Variants in ARHGAP1 observed in about 807,000 individuals in gnomAD.
The protein encoded by ARHGAP1 is rho GTPase-activating protein 1.
A neutral mutation model predicts 52.2 loss-of-function variants in ARHGAP1; 23 were observed. The ratio of observed to expected loss-of-function variants is 0.44; its 90% confidence interval spans 0.32 to 0.62. The LOEUF (loss-of-function observed/expected upper bound fraction) is 0.62, where lower values mean the gene tolerates loss of function less well. ARHGAP1 is among the 20% of genes least tolerant of loss of function. The pLI is 0.05. For synonymous variants in ARHGAP1, 210 were observed against 228.4 expected, an observed-to-expected ratio of 0.92 and a Z score of 0.73; for missense variants, 480 against 560.9, an observed-to-expected ratio of 0.86 and a Z score of 1.46.
At chr11:46,694,805 G>T (rs992709436) in intron 3 of ARHGAP1, among the ~76,000 whole-genome samples, 4 of 152,200 alleles carry the variant, frequency 2.6e-5, no homozygotes, top group African/African-American at 9.7e-5. Flanking sequence ...TGACGTTCGG[G>T]GCAATCCTCT....
rs976780707 is a variant in ARHGAP1 at position 46,680,174 on chromosome 11, T to C, written c.898+31A>G. On this transcript the variant is annotated intron_variant, in intron 10 of 12. Transcript: ENST00000311956. This position sits in a 1 kb window ranked among gnomAD's most constrained non-coding sequence, Gnocchi z 5.9. ...AGAAGCCCCCTACCAGTAACACACA[T>C]ATGGCCCTGCAACAGCCCAGGGCTG... 7 of 1,607,412 alleles carry C rather than the reference T, an allele frequency of 4.4e-6. No individual in the cohort carries two copies. The highest frequency in any genetic ancestry group is 3.3e-5 in the Admixed American group (2 of 59,986).
intron 3 of ARHGAP1, among the ~76,000 whole-genome samples, chr11:46,693,133 T>A (rs563214895): frequency 6.8e-4 from 103 of 152,174 alleles, no homozygotes; most frequent in African/African-American, 2.2e-3. Context: ...ATTATAGGGA[T>A]GAGCCACCGC....
At position 46,680,679 on chromosome 11, in the gene ARHGAP1, G is replaced by C. The variant is rs572555794; in HGVS notation, c.704C>G (p.Pro235Arg). 69 of 1,605,768 alleles carry C rather than the reference G, an allele frequency of 4.3e-5. No homozygotes were observed. The highest frequency in any genetic ancestry group is 1.3e-4 in the South Asian group (12 of 90,056). ...ATAPKPMPPRPPLPNQQFGVS... is the reference protein window; with the variant it reads ...ATAPKPMPPRRPLPNQQFGVS... ...TCCAAACTGCTGGTTGGGCAGGGGG[G>C]GCCGTGGGGGCATGGGCTTGGGGGC... Residue 235 changes from proline (P) to arginine (R), a missense_variant, in exon 8 of 13, where the codon CCC (proline) becomes CGC (arginine). Pro to Arg is a moderately radical substitution (Grantham distance 103). Coordinates refer to ENST00000311956, the MANE Select transcript of ARHGAP1 (RefSeq NM_004308.5). The surrounding 1 kb of genome is among the most constrained non-coding windows in gnomAD (Gnocchi z 5.9).
At chr11:46,693,073 C>T (rs1446718575) in intron 3 of ARHGAP1, among the ~76,000 whole-genome samples, 12 of 152,210 alleles carry the variant, frequency 7.9e-5, no homozygotes, top group East Asian at 3.9e-4. Context: ...AGGATGGTCT[C>T]GATCTCCTGA....
At chr11:46,684,451 G>A (rs2064553087) in intron 4 of ARHGAP1, among the ~76,000 whole-genome samples, 1 of 152,096 alleles carries the variant, frequency 6.6e-6, no homozygotes. Flanking sequence ...CATTTTTGTA[G>A]AAGGCTGTTC....
In ARHGAP1 at chr11:46,679,215, T is replaced by C. The variant is rs200846104; in HGVS notation, c.1142A>G (p.His381Arg). ...LTAFLVQISA[H>R]SDQNKMTNTN... ...GTTGGTCATCTTGTTCTGGTCACTG[T>C]GTGCAGAAATCTGTGGAGGGAATCA... is the stretch of plus-strand genomic sequence containing the variant. Residue 381 changes from histidine (H) to arginine (R), a missense_variant, in exon 13 of 13, where the codon CAC (histidine) becomes CGC (arginine). By Grantham distance (29) the His-to-Arg change is conservative. Transcript: ENST00000311956. This position sits in a 1 kb window ranked among gnomAD's most constrained non-coding sequence, Gnocchi z 4.4. 2.6e-4 allele frequency: 412 copies of C among 1,601,252 alleles called. No homozygotes were observed. Among genetic ancestry groups the C allele is most frequent in the Non-Finnish European group, 3.3e-4 (383 of 1,172,706 alleles).
At chr11:46,692,662 T>C (rs575746279) in intron 3 of ARHGAP1, among the ~76,000 whole-genome samples, 57 of 152,100 alleles carry the variant, frequency 3.7e-4, no homozygotes, top group Non-Finnish European at 4.7e-4. Flanking sequence ...AGCACCTCCA[T>C]GATGTTATAT....
Position 46,679,106 on chromosome 11 carries a change from G to A in ARHGAP1, c.1251C>T (p.Asn417=). The A allele has an allele frequency of 1.2e-6, 2 of 1,614,226 alleles. No homozygotes were observed. The highest frequency in any genetic ancestry group is 8.5e-7 in the Non-Finnish European group (1 of 1,180,024). The change falls in exon 13 of 13, where the codon AAC becomes AAT. Residue 417 remains asparagine, a synonymous_variant. Coordinates refer to ENST00000311956, the MANE Select transcript of ARHGAP1 (RefSeq NM_004308.5). This position sits in a 1 kb window ranked among gnomAD's most constrained non-coding sequence, Gnocchi z 4.4. Reference sequence around the variant, plus strand: ...GATCCAGAAGGAACTTGGTGAAGGTGTTGATGGGATTAATGGCCTTGAGGG... The same window carrying A: ...GATCCAGAAGGAACTTGGTGAAGGTATTGATGGGATTAATGGCCTTGAGGG... The part of the protein sequence containing the change: ...AITLKAINPI[N]TFTKFLLDHQ...
In ARHGAP1 at chr11:46,696,447, G is replaced by A. The variant is rs987122514; in HGVS notation, c.-49-291C>T. Among the ~76,000 whole-genome samples, 10 of 152,168 alleles carry A rather than the reference G, an allele frequency of 6.6e-5. No individual in the cohort carries two copies. The highest frequency in any genetic ancestry group is 8.8e-5 in the Non-Finnish European group (6 of 68,032). On this transcript the variant is annotated intron_variant, in intron 1 of 12. Coordinates refer to ENST00000311956, the MANE Select transcript of ARHGAP1 (RefSeq NM_004308.5). This position sits in a 1 kb window ranked among gnomAD's most constrained non-coding sequence, Gnocchi z 4.8. ...AGCTGTGCCAGGTCCTGTGCCGCCC[G>A]CCACCCAGCTGGCTCAGTGATGCAG...
At chr11:46,693,301 T>A (rs2064628610) in intron 3 of ARHGAP1, among the ~76,000 whole-genome samples, 1 of 145,468 alleles carries the variant, frequency 6.9e-6, no homozygotes, top group South Asian at 2.1e-4. Context: ...CTGGCTGCAC[T>A]TTTTTTTTTT....
At chr11:46,685,605 G>A (rs557067781) in intron 4 of ARHGAP1, among the ~76,000 whole-genome samples, 40 of 149,290 alleles carry the variant, frequency 2.7e-4, no homozygotes, top group Admixed American at 1.5e-3. Context: ...GATTACAGGC[G>A]TGAGCCACCG....
intron 4 of ARHGAP1, chr11:46,686,733 CTT>C (rs34162125): frequency 8.2e-5 from 11 of 134,272 alleles, no homozygotes; most frequent in Non-Finnish European, 1.3e-4. Flanking sequence ...CAGGCACTTT[CTT>C]TTTTTTTTTT....
chr11:46,699,502 A>C (rs2064682640), intron 1 of ARHGAP1, among the ~76,000 whole-genome samples: 1 of 151,246 alleles, frequency 6.6e-6, no homozygotes, highest in Admixed American at 6.6e-5. Flanking sequence ...CAGGATTTGG[A>C]GACCAACCTG....
At position 46,700,579 on chromosome 11, in the gene ARHGAP1, G is replaced by C; in HGVS notation, c.-78C>G. The C allele has an allele frequency of 5.2e-6, 1 of 193,942 alleles. No individual in the cohort carries two copies. Among genetic ancestry groups the C allele is most frequent in the Non-Finnish European group, 1.1e-5 (1 of 92,658 alleles). The allele number at this position is 193,942 out of a possible 1,614,324, so 12.0% of individuals were successfully genotyped here. A position where few individuals can be genotyped will look rare whatever the true frequency, so the allele number is the denominator to read the frequency against. On this transcript the variant is annotated 5_prime_UTR_variant, in exon 1 of 13. Transcript: ENST00000311956. ...GCTCGGGCACTGCTCCCTCTGCCAC[G>C]CCTGTCAAGGCTCGGCAAACATCCG...
At chr11:46,682,645 C>G (rs2064537891) in intron 4 of ARHGAP1, among the ~76,000 whole-genome samples, 1 of 152,156 alleles carries the variant, frequency 6.6e-6, no homozygotes, top group South Asian at 2.1e-4. Flanking sequence ...GATTGTGGCA[C>G]TGTACTCCAG....
At position 46,688,239 on chromosome 11, in the gene ARHGAP1, T is replaced by G; in HGVS notation, c.251A>C (p.Lys84Thr). ...TCGACAGGCACTAAACACAATGATC[T>G]TCCGCCCATACTTGTCATCTCCTAG... ...EVAGDDKYGR[K>T]IIVFSACRMP... Residue 84 changes from lysine (K) to threonine (T), a missense_variant, in exon 4 of 13, where the codon AAG (lysine) becomes ACG (threonine). Physicochemically the swap from Lys to Thr is moderately conservative, Grantham distance 78. Coordinates refer to ENST00000311956, the MANE Select transcript of ARHGAP1 (RefSeq NM_004308.5). 1 of 1,613,954 alleles carries G rather than the reference T, an allele frequency of 6.2e-7. No homozygotes were observed.
rs1321732706 is a variant in ARHGAP1, at chr11:46,689,032, T to C, written c.230-772A>G. Among the ~76,000 whole-genome samples the C allele has an allele frequency of 1.0e-4, 15 of 147,704 alleles. No homozygotes were observed. The Admixed American group carries it at 1.0e-3, about 10-fold the overall frequency. ...CTGGGAGGCGGAGGTTGCAGTGAGC[T>C]GAGCTGGTGCCACTGTACTCCAGCC... is the stretch of plus-strand genomic sequence containing the variant. On this transcript the variant is annotated intron_variant, in intron 3 of 12. Transcript: ENST00000311956.
Position 46,695,191 on chromosome 11 carries a change from G to A in ARHGAP1, c.229+469C>T, listed in dbSNP as rs73454018. On this transcript the variant is annotated intron_variant, in intron 3 of 12. Coordinates refer to ENST00000311956, the MANE Select transcript of ARHGAP1 (RefSeq NM_004308.5). ...GGGCAGCATATCTGCCAGGAATCTG[G>A]TGCTCCAGGGAGCCATGTGCCCCCT... The A allele has an allele frequency of 4.5e-3, 1,553 of 342,422 alleles. 25 individuals carry two copies. The highest frequency in any genetic ancestry group is 0.031 in the African/African-American group (1,442 of 46,646). 21.2% of individuals were successfully genotyped at this position (342,422 alleles called of 1,614,324 possible).
chr11:46,682,330 T>C lies in ARHGAP1; in HGVS notation c.318-148A>G, dbSNP rs2064535287. On this transcript the variant is annotated intron_variant, in intron 4 of 12. Transcript: ENST00000311956. Reference sequence around the variant, plus strand: ...ACAGTCTGTTCTGGCTCATAATCAGTCACCAGGTTGCTGTGGAGGAGGCCT... The same window carrying C: ...ACAGTCTGTTCTGGCTCATAATCAGCCACCAGGTTGCTGTGGAGGAGGCCT... 10 of 1,121,200 alleles carry C rather than the reference T, an allele frequency of 8.9e-6. No homozygotes were observed. The South Asian group carries it at 1.3e-4, about 14-fold the overall frequency. The allele number at this position is 1,121,200 out of a possible 1,614,324, so 69.5% of individuals were successfully genotyped here. A position where few individuals can be genotyped will look rare whatever the true frequency, so the allele number is the denominator to read the frequency against.
Sources: gnomAD v4.1 joint callset for allele counts (sites outside exome capture counted in the v4.1 genomes callset) on GRCh38, gnomAD v4.1.1 for gene constraint, Gnocchi (gnomAD v3.1) non-coding constraint, MANE v1.5 for transcripts, NCBI Gene and HGNC (gene_info 2026-07-23, HGNC 2026-07-21) for gene names.